NBAS: variants seen among roughly 807,000 people sequenced by gnomAD.
The protein encoded by NBAS is NBAS subunit of NRZ tethering complex.
Under a neutral mutation model 302.5 loss-of-function variants are expected in NBAS, and 219 were observed. The observed-to-expected ratio is 0.72, with a 90% CI of 0.65 to 0.81. The LOEUF (loss-of-function observed/expected upper bound fraction) is 0.81, where lower values mean the gene tolerates loss of function less well. Among genes scored for constraint, NBAS ranks in the 30% least tolerant of loss-of-function variants. The pLI is 0.00. For synonymous variants in NBAS, 1,118 were observed against 1,021.6 expected (o/e 1.09, Z -1.80); for missense variants, 2,932 against 2,841.6 (o/e 1.03, Z -0.72).
chr2:15,065,036 T>G, the NBAS span, among the ~76,000 whole-genome samples: 10 of 152,210 alleles, frequency 6.6e-5, no homozygotes, highest in Non-Finnish European at 8.8e-5. Flanking sequence ...TTTGACAAAA[T>G]TCAACACTCT....
chr2:15,034,029 G>GAATAA, the NBAS span, among the ~76,000 whole-genome samples: 4 of 11,542 alleles, frequency 3.5e-4, no homozygotes, highest in African/African-American at 1.7e-3. Flanking sequence ...AAGAAGAAGA[G>GAATAA]GAGGAGGAAG....
At chr2:14,788,892 G>C in the NBAS span, among the ~76,000 whole-genome samples, 2 of 152,226 alleles carry the variant, frequency 1.3e-5, no homozygotes, top group African/African-American at 4.8e-5. Flanking sequence ...AGTCTGCAGA[G>C]GTTACTGCTG....
chr2:15,260,457 A>C (rs1039280317), intron 44 of NBAS, among the ~76,000 whole-genome samples: 1 of 152,194 alleles, frequency 6.6e-6, no homozygotes, highest in Non-Finnish European at 1.5e-5. Context: ...AATAGCAAAG[A>C]AAGTGTGCAG....
Position 15,542,125 on chromosome 2 carries a change from T to C in NBAS, c.380-2769A>G. 2.4e-5 allele frequency among the ~76,000 whole-genome samples: 2 copies of C among 82,466 alleles called. 1 individual carries two copies. The highest frequency in any genetic ancestry group is 5.8e-5 in the Non-Finnish European group (2 of 34,698). 54.1% of individuals were successfully genotyped at this position (82,466 alleles called of 152,430 possible). A position where few individuals can be genotyped will look rare whatever the true frequency, so the allele number is the denominator to read the frequency against. ...CCTGGCCACCACCCCGTCTGGGAGG[T>C]GTACCCAACAGCTCATTGAGAACGG... On this transcript the variant is annotated intron_variant, in intron 6 of 51. Transcript: ENST00000281513.
chr2:15,078,175 TAACAC>T, the NBAS span, among the ~76,000 whole-genome samples: 1 of 152,310 alleles, frequency 6.6e-6, no homozygotes, highest in East Asian at 1.9e-4. Flanking sequence ...TTGTGTTCCA[TAACAC>T]AGAGTTGAAT....
At chr2:15,154,160 T>C in the NBAS span, among the ~76,000 whole-genome samples, 1 of 152,250 alleles carries the variant, frequency 6.6e-6, no homozygotes, top group Non-Finnish European at 1.5e-5. Flanking sequence ...TGGCATATTT[T>C]TATTTTGGTT....
chr2:14,882,146 C>T, the NBAS span, among the ~76,000 whole-genome samples: 6 of 152,306 alleles, frequency 3.9e-5, no homozygotes, highest in East Asian at 1.2e-3. Context: ...CAATGCTCAA[C>T]ACAGTGTATT....
chr2:15,323,953 A>G (rs1377915402), intron 38 of NBAS, among the ~76,000 whole-genome samples: 5 of 152,156 alleles, frequency 3.3e-5, no homozygotes, highest in Admixed American at 6.5e-5. Context: ...TAGGGCCACA[A>G]TATTTCTTAA....
At chr2:15,134,067 T>TCTCTCTCTCA in the NBAS span, among the ~76,000 whole-genome samples, 2 of 130,190 alleles carry the variant, frequency 1.5e-5, no homozygotes, top group African/African-American at 6.0e-5. Flanking sequence ...TCTCTCTCTC[T>TCTCTCTCTCA]CTCTCTCTCT....
At chr2:15,289,142 T>G (rs1055880589) in intron 41 of NBAS, among the ~76,000 whole-genome samples, 3 of 152,194 alleles carry the variant, frequency 2.0e-5, no homozygotes, top group African/African-American at 7.2e-5. Context: ...AGTACTACAA[T>G]CAAGGCTCAT....
intron 11 of NBAS, among the ~76,000 whole-genome samples, chr2:15,503,758 AT>A (rs942710034): frequency 2.6e-5 from 4 of 152,042 alleles, no homozygotes; most frequent in Non-Finnish European, 4.4e-5. Flanking sequence ...TTGGGGAAGA[AT>A]TTTTTTTAAT....
chr2:15,005,014 A>G, the NBAS span, among the ~76,000 whole-genome samples: 2 of 152,136 alleles, frequency 1.3e-5, no homozygotes, highest in East Asian at 1.9e-4. Flanking sequence ...ACAATTAAAC[A>G]TTGTTTCACT....
At chr2:15,286,113 T>A (rs1032532813) in intron 42 of NBAS, among the ~76,000 whole-genome samples, 1 of 152,196 alleles carries the variant, frequency 6.6e-6, no homozygotes, top group Non-Finnish European at 1.5e-5. Context: ...ATATCTAGTT[T>A]ATCCTTATTA....
intron 25 of NBAS, among the ~76,000 whole-genome samples, chr2:15,404,331 TAAAACACTCATATATGGTAAG>T (rs1572794328): frequency 6.6e-6 from 1 of 151,886 alleles, no homozygotes; most frequent in East Asian, 1.9e-4. Flanking sequence ...GATATGGCAA[TAAAACACTCATATATGGTAAG>T]AAAACATCCC....
At chr2:14,800,785 G>GTTT in the NBAS span, among the ~76,000 whole-genome samples, 19,502 of 128,272 alleles carry the variant, frequency 0.15, 1,883 homozygotes, top group South Asian at 0.24. Context: ...GATTTAAATT[G>GTTT]TTTTTGTTTT....
At chr2:14,895,715 G>A in the NBAS span, among the ~76,000 whole-genome samples, 1 of 143,714 alleles carries the variant, frequency 7.0e-6, no homozygotes. Context: ...ACTCCAGCCT[G>A]GGTGACAGAG....
the NBAS span, among the ~76,000 whole-genome samples, chr2:14,883,789 G>A: frequency 6.6e-6 from 1 of 151,810 alleles, no homozygotes; most frequent in South Asian, 2.1e-4. Flanking sequence ...GGGCAACATG[G>A]CAAAACCCCA....
the NBAS span, among the ~76,000 whole-genome samples, chr2:14,937,556 G>A: frequency 3.3e-5 from 5 of 152,172 alleles, no homozygotes; most frequent in Admixed American, 3.3e-4. Flanking sequence ...ATGCCCTGGA[G>A]TAATGGGAAT....
Position 15,294,844 on chromosome 2 carries a change from G to A in NBAS, c.4798-2078C>T, listed in dbSNP as rs181130168. On this transcript the variant is annotated intron_variant, in intron 40 of 51. Transcript: ENST00000281513. ...CCAAATCTATGTTCACCAAAACAAT[G>A]AAGAAGGCTTTTCTTCATGTATATT... Among the ~76,000 whole-genome samples the A allele has an allele frequency of 3.1e-3, 466 of 152,308 alleles. 4 individuals are homozygous for A. Among genetic ancestry groups the A allele is most frequent in the Non-Finnish European group, 4.2e-3 (285 of 68,024 alleles).
Sources: gnomAD v4.1 joint callset for allele counts (sites outside exome capture counted in the v4.1 genomes callset) on GRCh38, gnomAD v4.1.1 for gene constraint, MANE v1.5 for transcripts, NCBI Gene and HGNC (gene_info 2026-07-23, HGNC 2026-07-21) for gene names.